The following VANGL1 variants were observed in gnomAD, a reference collection of about 807,000 sequenced individuals.
VANGL1 encodes vang-like protein 1.
A neutral mutation model predicts 48.4 loss-of-function variants in VANGL1; 18 were observed. The ratio of observed to expected loss-of-function variants is 0.37; its 90% confidence interval spans 0.26 to 0.55. The LOEUF (loss-of-function observed/expected upper bound fraction) is 0.55. Among genes scored for constraint, VANGL1 ranks in the 20% least tolerant of loss-of-function variants. VANGL1 has a pLI of 0.81. For synonymous variants in VANGL1, 257 were observed against 261.8 expected (o/e 0.98, Z 0.18); for missense variants, 667 against 675.8 (o/e 0.99, Z 0.14).
chr1:115,664,916 A>G (rs1001763930), intron 4 of VANGL1, among the ~76,000 whole-genome samples: 1 of 152,180 alleles, frequency 6.6e-6, no homozygotes, highest in South Asian at 2.1e-4. Flanking sequence ...CCATCATTTT[A>G]TTTGCTTCAA....
At chr1:115,682,817 T>C (rs1192766079) in intron 5 of VANGL1, among the ~76,000 whole-genome samples, 1 of 152,106 alleles carries the variant, frequency 6.6e-6, no homozygotes, top group Non-Finnish European at 1.5e-5. Context: ...TTGGTGCACA[T>C]TACCCACAAA....
At chr1:115,681,663 C>T (rs1381142729) in intron 4 of VANGL1, among the ~76,000 whole-genome samples, 11 of 152,050 alleles carry the variant, frequency 7.2e-5, no homozygotes, top group Non-Finnish European at 1.5e-4. Flanking sequence ...CATGCCACTA[C>T]ACCCCGGTAA....
At chr1:115,678,682 A>G (rs1025827169) in intron 4 of VANGL1, among the ~76,000 whole-genome samples, 1 of 152,240 alleles carries the variant, frequency 6.6e-6, no homozygotes, top group Non-Finnish European at 1.5e-5. Context: ...AAGGCCAGGC[A>G]CAGTGGCTCA....
chr1:115,696,968 G>A lies in VANGL1; in HGVS notation c.*5589G>A, dbSNP rs1446683465. On this transcript the variant is annotated 3_prime_UTR_variant, in exon 8 of 8. Coordinates refer to ENST00000355485, the MANE Select transcript of VANGL1 (RefSeq NM_138959.3). ...TTCTTTTGGCACTGAAATGGTATTT[G>A]GGAAGCATTATTTGAATGTACAGTT... The A allele has an allele frequency of 6.6e-6, 1 of 152,210 alleles. No homozygotes were observed. Among genetic ancestry groups the A allele is most frequent in the Non-Finnish European group, 1.5e-5 (1 of 68,034 alleles). 9.4% of individuals were successfully genotyped at this position (152,210 alleles called of 1,614,324 possible).
chr1:115,669,159 A>T (rs1407672003), intron 4 of VANGL1, among the ~76,000 whole-genome samples: 1 of 152,240 alleles, frequency 6.6e-6, no homozygotes, highest in Non-Finnish European at 1.5e-5. Flanking sequence ...GTATATGAAC[A>T]TCAATGAAAA....
chr1:115,659,537 G>A (rs1045066190), intron 2 of VANGL1, 104 bp from the exon 3 acceptor site: 41 of 1,294,228 alleles, frequency 3.2e-5, no homozygotes, highest in African/African-American at 6.0e-5. Flanking sequence ...GTGTGTGTGT[G>A]TGTATGTAGA....
At position 115,687,705 on chromosome 1, in the gene VANGL1, CTGTGTGTGTGTGTGTG is replaced by C. The variant is rs56094677; in HGVS notation, c.1314+2208_1314+2223del. On this transcript the variant is annotated intron_variant, in intron 7 of 7. Transcript: ENST00000355485. ...AATTGGGTCATTGCTCTCTCTTTCT[CTGTGTGTGTGTGTGTG>C]TGTGTGTGTGTGTGTGTGTGTGTGT... Among the ~76,000 whole-genome samples, 90 of 112,822 alleles carry C rather than the reference CTGTGTGTGTGTGTGTG, an allele frequency of 8.0e-4. 16 individuals carry two copies. The highest frequency in any genetic ancestry group is 1.6e-3 in the Admixed American group (17 of 10,406). 74.0% of individuals were successfully genotyped at this position (112,822 alleles called of 152,430 possible).
At position 115,690,657 on chromosome 1, in the gene VANGL1, C is replaced by T. The variant is rs540894518; in HGVS notation, c.1315-462C>T. ...CACTGCCAGTAAATGGTAGCGCATG[C>T]GTTCTTATTCATGCAAGTATATGCA... is the stretch of plus-strand genomic sequence containing the variant. On this transcript the variant is annotated intron_variant, in intron 7 of 7. Transcript: ENST00000355485. Among the ~76,000 whole-genome samples the T allele has an allele frequency of 6.8e-4, 104 of 152,340 alleles. 2 individuals are homozygous for T. The South Asian group carries it at 0.021, about 31-fold the overall frequency.
At chr1:115,686,111 A>G (rs1320460030) in intron 7 of VANGL1, among the ~76,000 whole-genome samples, 3 of 152,098 alleles carry the variant, frequency 2.0e-5, no homozygotes, top group South Asian at 2.1e-4. Flanking sequence ...GCCATATTCA[A>G]TGTAATTCTT....
rs1007957204 is a variant in VANGL1 at position 115,689,991 on chromosome 1, C to A, written c.1315-1128C>A. 2.2e-5 allele frequency among the ~76,000 whole-genome samples: 3 copies of A among 138,828 alleles called. 1 individual carries two copies. Among genetic ancestry groups the A allele is most frequent in the Non-Finnish European group, 4.7e-5 (3 of 63,406 alleles). 91.1% of individuals were successfully genotyped at this position (138,828 alleles called of 152,430 possible). A position where few individuals can be genotyped will look rare whatever the true frequency, so the allele number is the denominator to read the frequency against. ...AATCTGTTCTTGACTCTGTCTGGGA[C>A]CTGATTGATATATCCCAGTATGTTT... On this transcript the variant is annotated intron_variant, in intron 7 of 7. Transcript: ENST00000355485.
At position 115,691,815 on chromosome 1, in the gene VANGL1, T is replaced by A. The variant is rs1444314421; in HGVS notation, c.*436T>A. 1 of 174,286 alleles carries A rather than the reference T, an allele frequency of 5.7e-6. No homozygotes were observed. The highest frequency in any genetic ancestry group is 1.6e-4 in the East Asian group (1 of 6,398). The allele number at this position is 174,286 out of a possible 1,614,324, so 10.8% of individuals were successfully genotyped here. On this transcript the variant is annotated 3_prime_UTR_variant, in exon 8 of 8. Transcript: ENST00000355485. Reference sequence around the variant, plus strand: ...GTCACGACACGTCCACATATGTATTTGTGTATGTTAATGTCCAGTATCACA... The same window carrying A: ...GTCACGACACGTCCACATATGTATTAGTGTATGTTAATGTCCAGTATCACA...
intron 4 of VANGL1, among the ~76,000 whole-genome samples, chr1:115,677,060 C>T (rs1653194024): frequency 6.6e-6 from 1 of 152,240 alleles, no homozygotes; most frequent in African/African-American, 2.4e-5. Context: ...TGCCTCCTCC[C>T]ACAGCCTCTG....
intron 4 of VANGL1, among the ~76,000 whole-genome samples, chr1:115,679,572 C>G (rs1265156133): frequency 6.6e-6 from 1 of 152,228 alleles, no homozygotes; most frequent in Non-Finnish European, 1.5e-5. Flanking sequence ...GTGCATCACA[C>G]TCACAGGGTG....
intron 1 of VANGL1, among the ~76,000 whole-genome samples, chr1:115,650,235 A>G (rs1347423435): frequency 6.6e-6 from 1 of 151,786 alleles, no homozygotes; most frequent in Non-Finnish European, 1.5e-5. Context: ...CACTTATCTC[A>G]CTGGCTGTGT....
intron 1 of VANGL1, among the ~76,000 whole-genome samples, chr1:115,642,979 T>A (rs3010377): frequency 6.6e-6 from 1 of 152,142 alleles, no homozygotes; most frequent in Admixed American, 6.5e-5. Flanking sequence ...GACTTGGAGC[T>A]GAGGAATCTG....
At chr1:115,646,989 T>C (rs1452042185) in intron 1 of VANGL1, among the ~76,000 whole-genome samples, 1 of 152,230 alleles carries the variant, frequency 6.6e-6, no homozygotes, top group Admixed American at 6.5e-5. Context: ...CCTAAGACTC[T>C]ACCTTAAAGG....
rs370144810 is a variant in VANGL1, at chr1:115,685,050, C to T, written c.1080-243C>T. Among the ~76,000 whole-genome samples, 6 of 152,330 alleles carry T rather than the reference C, an allele frequency of 3.9e-5. No homozygotes were observed. The East Asian group carries it at 9.6e-4, about 24-fold the overall frequency. On this transcript the variant is annotated intron_variant, in intron 6 of 7. Transcript: ENST00000355485. ...AGAATTCAGAACAGAGTTCATCTCC[C>T]AGTCCTGGGGCTCCTTTCCCCCAAC...
At chr1:115,674,996 T>G (rs59630450) in intron 4 of VANGL1, among the ~76,000 whole-genome samples, 3,820 of 152,154 alleles carry the variant, frequency 0.025, 173 homozygotes, top group African/African-American at 0.087. Flanking sequence ...TTTGGTTCCT[T>G]TAGCTATAAA....
intron 4 of VANGL1, among the ~76,000 whole-genome samples, chr1:115,673,236 G>A (rs1653047528): frequency 2.0e-5 from 3 of 152,112 alleles, no homozygotes; most frequent in East Asian, 1.9e-4. Flanking sequence ...GTTCTCTCAC[G>A]TTTGCATTCA....
Sources: allele counts gnomAD v4.1 joint callset (sites outside exome capture counted in the v4.1 genomes callset), GRCh38; gene constraint gnomAD v4.1.1; transcripts MANE v1.5; gene names NCBI Gene and HGNC (gene_info 2026-07-23, HGNC 2026-07-21).